The following NR1D1 variants were observed in gnomAD, a reference collection of about 807,000 sequenced individuals.
NR1D1 encodes Rev-ErbAalpha.
In NR1D1, 17 loss-of-function variants were observed where a neutral mutation model predicts 51.1. The ratio of observed to expected loss-of-function variants is 0.33; its 90% CI spans 0.23 to 0.50. The LOEUF is 0.50. Among genes scored for constraint, NR1D1 ranks in the 20% least tolerant of loss-of-function variants. The probability of loss-of-function intolerance (pLI) is 0.98; values close to 1 mark genes in which losing one functional copy is unlikely to be tolerated. For synonymous variants in NR1D1, 341 were observed against 333.4 expected, an observed-to-expected ratio of 1.02 and a Z score of -0.25; for missense variants, 647 against 830.4, an observed-to-expected ratio of 0.78 and a Z score of 2.71.
intron 1 of NR1D1, among the ~76,000 whole-genome samples, chr17:40,098,763 AC>A (rs1157794314): frequency 6.6e-6 from 1 of 152,184 alleles, no homozygotes; most frequent in African/African-American, 2.4e-5. Flanking sequence ...TAGTAGGCAA[AC>A]TGCAGCTTGT....
At chr17:40,094,216 CTTCGA>C in intron 6 of NR1D1, 94 bp from the exon 7 acceptor site, 1 of 1,116,798 alleles carries the variant, frequency 9.0e-7, no homozygotes, top group Non-Finnish European at 1.4e-6. Context: ...GCGGTGCTGC[CTTCGA>C]TTTCTCAGTA....
intron 1 of NR1D1, among the ~76,000 whole-genome samples, chr17:40,099,665 G>A (rs1032562306): frequency 5.3e-5 from 8 of 152,058 alleles, no homozygotes; most frequent in Admixed American, 4.6e-4. Context: ...TAGAGGAGGG[G>A]GAAGACAAGA....
chr17:40,096,834 G>C lies in NR1D1; in HGVS notation c.371-55C>G, dbSNP rs879207512. 12 of 1,544,444 alleles carry C rather than the reference G, an allele frequency of 7.8e-6. No individual in the cohort carries two copies. The South Asian group carries it at 7.8e-5, about 10-fold the overall frequency. ...GGAGAGGCCAGGCTGAGTGGCCACA[G>C]GTGTGGAGGCTTTCTGGGCCGGAGA... On this transcript the variant is annotated intron_variant, in intron 2 of 7. Transcript: ENST00000246672.
At chr17:40,095,354 C>T (rs1477977504) in intron 5 of NR1D1, 90 bp downstream of exon 5, 1 of 1,463,394 alleles carries the variant, frequency 6.8e-7, no homozygotes, top group African/African-American at 1.4e-5. Context: ...CACACTCAGC[C>T]TCCAGGAACC....
chr17:40,097,235 G>C lies in NR1D1; in HGVS notation c.200C>G (p.Ser67Cys), dbSNP rs1438199110. Residue 67 changes from serine (S) to cysteine (C), a missense_variant, in exon 2 of 8, where the codon TCC becomes TGC. Ser to Cys is a moderately radical substitution (Grantham distance 112). This residue lies in a region of NR1D1 where 98 missense variants were observed against 94.7 expected (regional missense o/e 1.03). Coordinates refer to ENST00000246672, the MANE Select transcript of NR1D1 (RefSeq NM_021724.5). ...CAGGCTGGGTGGAATGCTCCCAAAG[G>C]AGCGAGCCGGGTCTTGGGTGAGGGA... ...TGSLTQDPAR[S>C]FGSIPPSLSD... 1.9e-6 allele frequency: 3 copies of C among 1,611,596 alleles called. No homozygotes were observed. The highest frequency in any genetic ancestry group is 2.2e-5 in the South Asian group (2 of 90,948).
rs1307090213 is a variant in NR1D1, at chr17:40,096,040, C to T, written c.652G>A (p.Ala218Thr). ...AGGTTCATGGCACTCTGCATCTCAG[C>T]AAGCATCCGCTGCTTCTCTCGTTTG... ...IPKREKQRMLAEMQSAMNLAN... is the reference protein window; with the variant it reads ...IPKREKQRMLTEMQSAMNLAN... Residue 218 changes from alanine to threonine, a missense_variant, in exon 5 of 8, where the codon GCT (alanine) becomes ACT (threonine). Coordinates refer to ENST00000246672, the MANE Select transcript of NR1D1 (RefSeq NM_021724.5). 4 of 1,612,778 alleles carry T rather than the reference C, an allele frequency of 2.5e-6. No individual in the cohort carries two copies. The highest frequency in any genetic ancestry group is 3.4e-6 in the Non-Finnish European group (4 of 1,180,014).
Position 40,093,946 on chromosome 17 carries a change from C to T in NR1D1, c.1611G>A (p.Leu537=), listed in dbSNP as rs766108224. 6.2e-7 allele frequency: 1 copy of T among 1,613,858 alleles called. No individual in the cohort carries two copies. The highest frequency in any genetic ancestry group is 1.1e-5 in the South Asian group (1 of 91,090). Residue 537 remains leucine, a synonymous_variant, in exon 7 of 8, where the codon CTG becomes CTA. Coordinates refer to ENST00000246672, the MANE Select transcript of NR1D1 (RefSeq NM_021724.5). The surrounding 1 kb of genome is among the most constrained non-coding windows in gnomAD (Gnocchi z 5.9). ...LNSLALTEEE[L]GLFTAVVLVS... The stretch of plus-strand genomic sequence containing the variant: ...CAAGCACCACCGCGGTGAAGAGGCC[C>T]AGCTCCTCCTCGGTAAGCGCCAGGG...
chr17:40,095,293 C>CA, intron 5 of NR1D1, 151 bp downstream of exon 5: 1 of 1,177,482 alleles, frequency 8.5e-7, no homozygotes, highest in East Asian at 2.6e-5. Context: ...GATTCCCAGG[C>CA]AGAGTCCAGA....
At chr17:40,098,790 G>A (rs1459835195) in intron 1 of NR1D1, among the ~76,000 whole-genome samples, 1 of 152,214 alleles carries the variant, frequency 6.6e-6, no homozygotes, top group Non-Finnish European at 1.5e-5. Flanking sequence ...GGAGATGGGG[G>A]TAAGACAATG....
chr17:40,095,216 G>C (rs760271401), intron 5 of NR1D1, 96 bp from the exon 6 acceptor site: 149 of 1,325,968 alleles, frequency 1.1e-4, no homozygotes, highest in Middle Eastern at 2.7e-4. Flanking sequence ...GCCTGGGCTA[G>C]GGGCTGTGGC....
intron 1 of NR1D1, among the ~76,000 whole-genome samples, chr17:40,099,244 A>G (rs1987827272): frequency 6.6e-6 from 1 of 151,930 alleles, no homozygotes; most frequent in Non-Finnish European, 1.5e-5. Context: ...CCCGCCTCCT[A>G]CCCGCCCTTC....
chr17:40,094,814 C>A, intron 6 of NR1D1, 121 bp downstream of exon 6: 1 of 901,184 alleles, frequency 1.1e-6, no homozygotes. Context: ...AGGAGAATTG[C>A]TTGAACCCAG....
intron 4 of NR1D1, 99 bp from the exon 5 acceptor site, chr17:40,096,186 G>A (rs1987759435): frequency 6.7e-7 from 1 of 1,494,210 alleles, no homozygotes; most frequent in South Asian, 1.3e-5. Context: ...GAAGGCTTGG[G>A]GTTTCACATC....
At position 40,092,882 on chromosome 17, in the gene NR1D1, G is replaced by GGGA; in HGVS notation, c.*198_*200dup. ...GGGGGAGACAGAGTGGTTTAAATAG[G>GGGA]GGAGGAGGGGAAGTTCGGTGATGGG... On this transcript the variant is annotated 3_prime_UTR_variant, in exon 8 of 8. Transcript: ENST00000246672. 7.9e-7 allele frequency: 1 copy of GGGA among 1,266,902 alleles called. No homozygotes were observed. The highest frequency in any genetic ancestry group is 1.1e-6 in the Non-Finnish European group (1 of 931,972). The allele number at this position is 1,266,902 out of a possible 1,614,324, so 78.5% of individuals were successfully genotyped here.
chr17:40,095,978 C>G lies in NR1D1; in HGVS notation c.714G>C (p.Glu238Asp). 6.2e-7 allele frequency: 1 copy of G among 1,612,570 alleles called. No individual in the cohort carries two copies. Among genetic ancestry groups the G allele is most frequent in the Non-Finnish European group, 8.5e-7 (1 of 1,179,964 alleles). Reference protein sequence around the residue: ...NNQLSSQCPLETSPTQHPTPG... With the variant: ...NNQLSSQCPLDTSPTQHPTPG... ...GGGTGGGGTGCTGGGTGGGTGAAGT[C>G]TCCAGCGGGCACTGGCTGCTCAACT... Residue 238 changes from glutamate (E) to aspartate (D), a missense_variant, in exon 5 of 8, where the codon GAG becomes GAC. By Grantham distance (45) the Glu-to-Asp change is conservative. This residue lies in a region of NR1D1 where 48 missense variants were observed against 42.9 expected (regional missense o/e 1.12). Transcript: ENST00000246672.
At chr17:40,097,703 A>G (rs1987793023) in intron 1 of NR1D1, among the ~76,000 whole-genome samples, 1 of 152,108 alleles carries the variant, frequency 6.6e-6, no homozygotes, top group South Asian at 2.1e-4. Flanking sequence ...GGGAATATCG[A>G]CTGCAGCTAA....
In NR1D1 at chr17:40,095,726, G is replaced by A. The variant is rs761456960; in HGVS notation, c.966C>T (p.Ser322=). 5 of 1,613,952 alleles carry A rather than the reference G, an allele frequency of 3.1e-6. No homozygotes were observed. Among genetic ancestry groups the A allele is most frequent in the Admixed American group, 1.7e-5 (1 of 60,004 alleles). Residue 322 remains serine (S), a synonymous_variant, in exon 5 of 8, where the codon AGC becomes AGT. Coordinates refer to ENST00000246672, the MANE Select transcript of NR1D1 (RefSeq NM_021724.5). The stretch of plus-strand genomic sequence containing the variant: ...AGCGATGTGGGGTGGTGGCTGGAGG[G>A]CTACCTGATGCATGGTTGGCATTGA... ...GNFNANHASG[S]PPATTPHRWE...
At chr17:40,098,878 T>G (rs1210843410) in intron 1 of NR1D1, among the ~76,000 whole-genome samples, 1 of 151,712 alleles carries the variant, frequency 6.6e-6, no homozygotes, top group Non-Finnish European at 1.5e-5. Flanking sequence ...TGCAGTACGG[T>G]GAAGTAGGTG....
At chr17:40,096,975 T>C (rs2102928) in intron 2 of NR1D1, 90 bp downstream of exon 2, 936,239 of 1,330,052 alleles carry the variant, frequency 0.7, 334,179 homozygotes, top group African/African-American at 0.95. Context: ...CCAGAATAGG[T>C]CCTGGCAAGA....
Sources: allele counts gnomAD v4.1 joint callset (sites outside exome capture counted in the v4.1 genomes callset), GRCh38; gene constraint gnomAD v4.1.1; regional missense constraint gnomAD v4.1.1; non-coding constraint Gnocchi (gnomAD v3.1); transcripts MANE v1.5; gene names NCBI Gene and HGNC (gene_info 2026-07-23, HGNC 2026-07-21).